DGKB: variants seen among roughly 807,000 people sequenced by gnomAD.
The protein encoded by DGKB is 90 kDa diacylglycerol kinase.
Under a neutral mutation model 114.3 loss-of-function variants are expected in DGKB, and 67 were observed. The observed-to-expected ratio is 0.59, with a 90% CI of 0.48 to 0.72. DGKB has a LOEUF of 0.72. Among genes scored for constraint, DGKB ranks in the 30% least tolerant of loss-of-function variants. The pLI is 0.00. For missense variants in DGKB, 907 were observed against 975.2 expected, an observed-to-expected ratio of 0.93 and a Z score of 0.93; for synonymous variants, 398 against 323.1, an observed-to-expected ratio of 1.23 and a Z score of -2.49.
chr7:14,553,376 A>T (rs760335467), intron 20 of DGKB, among the ~76,000 whole-genome samples: 12 of 152,162 alleles, frequency 7.9e-5, no homozygotes, highest in Non-Finnish European at 1.5e-4. Flanking sequence ...AATTCCGTTT[A>T]TCTTCTAGTG....
chr7:14,295,758 A>T (rs150856118), intron 23 of DGKB, among the ~76,000 whole-genome samples: 1 of 152,098 alleles, frequency 6.6e-6, no homozygotes, highest in African/African-American at 2.4e-5. Context: ...CAGAACATGC[A>T]GGTTTGCTAC....
chr7:14,630,878 C>T (rs1430187228), intron 13 of DGKB, among the ~76,000 whole-genome samples: 1 of 151,370 alleles, frequency 6.6e-6, no homozygotes, highest in East Asian at 1.9e-4. Context: ...CCACTACTAC[C>T]CACTTTGTAG....
chr7:14,755,664 T>C (rs979986241), intron 3 of DGKB, among the ~76,000 whole-genome samples: 9 of 152,154 alleles, frequency 5.9e-5, no homozygotes, highest in Non-Finnish European at 1.3e-4. Flanking sequence ...GATGAGGTCA[T>C]GTATTGAAGA....
At chr7:14,786,426 T>A (rs1839902350) in intron 2 of DGKB, among the ~76,000 whole-genome samples, 2 of 152,178 alleles carry the variant, frequency 1.3e-5, no homozygotes, top group Admixed American at 6.5e-5. Flanking sequence ...CCTGTAAAAT[T>A]GATGGCAGCT....
At chr7:14,254,036 T>C (rs1214798974) in intron 23 of DGKB, among the ~76,000 whole-genome samples, 1 of 152,210 alleles carries the variant, frequency 6.6e-6, no homozygotes, top group Non-Finnish European at 1.5e-5. Context: ...GTCTCACTTT[T>C]GCTGATACAA....
At chr7:14,851,201 T>C (rs974602178) in intron 1 of DGKB, among the ~76,000 whole-genome samples, 1 of 152,130 alleles carries the variant, frequency 6.6e-6, no homozygotes, top group Non-Finnish European at 1.5e-5. Flanking sequence ...AATTCATAAT[T>C]GTGTTATTTT....
At chr7:14,496,375 C>G (rs1486909326) in intron 20 of DGKB, among the ~76,000 whole-genome samples, 1 of 151,620 alleles carries the variant, frequency 6.6e-6, no homozygotes, top group Non-Finnish European at 1.5e-5. Context: ...GTATTTGTTT[C>G]TCAGTTACAA....
chr7:14,362,041 C>T (rs1815847477), intron 21 of DGKB, among the ~76,000 whole-genome samples: 1 of 151,942 alleles, frequency 6.6e-6, no homozygotes, highest in Non-Finnish European at 1.5e-5. Flanking sequence ...TATTTACGGT[C>T]ACTCATTTAG....
chr7:14,629,615 A>T (rs1378171195), intron 14 of DGKB, among the ~76,000 whole-genome samples: 1 of 152,132 alleles, frequency 6.6e-6, no homozygotes, highest in Admixed American at 6.5e-5. Context: ...CTGTCACAGA[A>T]CAATGTGGAG....
chr7:14,319,804 A>G (rs1807388309), intron 23 of DGKB, among the ~76,000 whole-genome samples: 3 of 152,222 alleles, frequency 2.0e-5, no homozygotes, highest in Non-Finnish European at 4.4e-5. Flanking sequence ...AATAAAAGAT[A>G]AAGTATTGTA....
At chr7:14,280,673 C>T (rs1357443955) in intron 23 of DGKB, among the ~76,000 whole-genome samples, 1 of 150,842 alleles carries the variant, frequency 6.6e-6, no homozygotes, top group Non-Finnish European at 1.5e-5. Flanking sequence ...CGGCAGAAAC[C>T]CTACAAGCCA....
At chr7:14,358,912 C>G (rs1815140645) in intron 21 of DGKB, among the ~76,000 whole-genome samples, 1 of 152,054 alleles carries the variant, frequency 6.6e-6, no homozygotes, top group Admixed American at 6.6e-5. Flanking sequence ...CATCAAGCTA[C>G]CAATGACTTT....
intron 23 of DGKB, among the ~76,000 whole-genome samples, chr7:14,264,329 G>A (rs1380687998): frequency 6.6e-6 from 1 of 152,068 alleles, no homozygotes; most frequent in Non-Finnish European, 1.5e-5. Flanking sequence ...CTTTCAGGTT[G>A]GCCCTGATTT....
chr7:14,489,556 G>A (rs563559081), intron 20 of DGKB, among the ~76,000 whole-genome samples: 109 of 152,236 alleles, frequency 7.2e-4, no homozygotes, highest in Non-Finnish European at 1.3e-3. Flanking sequence ...TATAATTTCC[G>A]AAAATCTGCA....
At chr7:14,603,892 T>A (rs1395330100) in intron 17 of DGKB, among the ~76,000 whole-genome samples, 1 of 152,106 alleles carries the variant, frequency 6.6e-6, no homozygotes. Flanking sequence ...GAAGATTAGA[T>A]TCAGAAGGGG....
At position 14,281,913 on chromosome 7, in the gene DGKB, A is replaced by T. The variant is rs1431177594; in HGVS notation, c.2122+56602T>A. 2.2e-5 allele frequency among the ~76,000 whole-genome samples: 3 copies of T among 139,052 alleles called. No individual in the cohort carries two copies. The East Asian group carries it at 6.6e-4, about 31-fold the overall frequency. The allele number at this position is 139,052 out of a possible 152,430, so 91.2% of individuals were successfully genotyped here. On this transcript the variant is annotated intron_variant, in intron 23 of 25. Coordinates refer to ENST00000402815, the MANE Select transcript of DGKB (RefSeq NM_001350709.2). ...AAATGCCCACAAGAGAAAGCAGGAAAGATCCAAAATTGACAGCCTAACATC... is the reference window on the plus strand; with the variant it reads ...AAATGCCCACAAGAGAAAGCAGGAATGATCCAAAATTGACAGCCTAACATC...
Position 14,736,197 on chromosome 7 carries a change from G to GC in DGKB, c.169-4_169-3insG, listed in dbSNP as rs1831692567. 20 of 138,756 alleles carry GC rather than the reference G, an allele frequency of 1.4e-4. No homozygotes were observed. The highest frequency in any genetic ancestry group is 3.5e-4 in the South Asian group (3 of 8,572). The allele number at this position is 138,756 out of a possible 1,614,324, so 8.6% of individuals were successfully genotyped here. On this transcript the variant is annotated splice_region_variant and splice_polypyrimidine_tract_variant and intron_variant, in intron 4 of 25. Transcript: ENST00000402815. Reference sequence around the variant, plus strand: ...TTGAAACCTTCAAAATCTATTGTCTGGAAAAAAAAAATGTAAACATGTATT... The same window carrying GC: ...TTGAAACCTTCAAAATCTATTGTCTGCGAAAAAAAAAATGTAAACATGTATT...
chr7:14,225,047 C>T (rs902465519), intron 23 of DGKB, among the ~76,000 whole-genome samples: 1 of 151,982 alleles, frequency 6.6e-6, no homozygotes, highest in Admixed American at 6.6e-5. Context: ...GCCTACAGTG[C>T]AGCCTGCATT....
At chr7:14,839,742 A>AG (rs757116794) in intron 2 of DGKB, among the ~76,000 whole-genome samples, 4 of 152,068 alleles carry the variant, frequency 2.6e-5, no homozygotes, top group Non-Finnish European at 4.4e-5. Context: ...GAGTGTGAGA[A>AG]CCATAAGTTA....
Sources: allele counts gnomAD v4.1 joint callset (sites outside exome capture counted in the v4.1 genomes callset), GRCh38; gene constraint gnomAD v4.1.1; transcripts MANE v1.5; gene names NCBI Gene and HGNC (gene_info 2026-07-23, HGNC 2026-07-21).